The following EIF4E variants were observed in gnomAD, a reference collection of about 807,000 sequenced individuals.
The protein encoded by EIF4E is eukaryotic translation initiation factor 4E.
For synonymous variants in EIF4E, 71 were observed against 88.5 expected (o/e 0.80, Z 1.11); for missense variants, 113 against 265.6 (o/e 0.43, Z 3.99).
At position 98,889,025 on chromosome 4, in the gene EIF4E, G is replaced by A. The variant is rs548136027; in HGVS notation, c.222-1073C>T. ...AATACAAAAATTAGCCGGGCGTGGT[G>A]GCATGCGCCTGTAATCCCAGCTACT... On this transcript the variant is annotated intron_variant, in intron 3 of 6. Transcript: ENST00000450253. 2.0e-3 allele frequency among the ~76,000 whole-genome samples: 300 copies of A among 152,132 alleles called. 1 individual carries two copies. Among genetic ancestry groups the A allele is most frequent in the Non-Finnish European group, 3.3e-3 (222 of 68,004 alleles).
intron 2 of EIF4E, among the ~76,000 whole-genome samples, chr4:98,892,323 AAAAACAAAAAAACAAAC>A (rs1178681635): frequency 1.5e-5 from 2 of 134,286 alleles, no homozygotes; most frequent in Admixed American, 7.3e-5. Context: ...TTCCATCTCA[AAAAACAAAAAAACAAAC>A]AAAAAAAAAA....
intron 2 of EIF4E, chr4:98,895,501 T>G (rs1724342284): frequency 6.6e-6 from 1 of 152,232 alleles, no homozygotes; most frequent in Admixed American, 6.5e-5. Context: ...GAATGTTGTC[T>G]GAAGAGCCTT....
chr4:98,913,916 CATCT>C (rs1204642814), intron 1 of EIF4E, among the ~76,000 whole-genome samples: 2 of 152,084 alleles, frequency 1.3e-5, no homozygotes, highest in Non-Finnish European at 2.9e-5. Flanking sequence ...AGAGACAACA[CATCT>C]ATCAACAGAT....
Position 98,912,114 on chromosome 4 carries a change from T to C in EIF4E, c.19-10132A>G, listed in dbSNP as rs537295845. Among the ~76,000 whole-genome samples the C allele has an allele frequency of 3.2e-4, 49 of 151,502 alleles. No homozygotes were observed. In the South Asian group the frequency reaches 8.2e-3, roughly 25 times the overall value. On this transcript the variant is annotated intron_variant, in intron 1 of 6. Coordinates refer to ENST00000450253, the MANE Select transcript of EIF4E (RefSeq NM_001968.5). ...CCAAAAACACAAAATTAGCTGGGCA[T>C]GGTGGCGCATGCCTGTAATCCCAGT...
In EIF4E at chr4:98,918,424, T is replaced by C. The variant is rs564496786; in HGVS notation, c.18+10671A>G. Among the ~76,000 whole-genome samples the C allele has an allele frequency of 6.6e-5, 10 of 151,680 alleles. No homozygotes were observed. In the East Asian group the frequency reaches 1.9e-3, roughly 29 times the overall value. ...AAAGAAAACGTACATACCTATTTTA[T>C]ACTTTGTTTTTACATATAAACATTT... On this transcript the variant is annotated intron_variant, in intron 1 of 6. Transcript: ENST00000450253.
At position 98,879,846 on chromosome 4, in the gene EIF4E, AAGAT is replaced by A. The variant is rs1400790552; in HGVS notation, c.*1178_*1181del. The A allele has an allele frequency of 1.3e-5, 2 of 152,178 alleles. No homozygotes were observed. Among genetic ancestry groups the A allele is most frequent in the African/African-American group, 2.4e-5 (1 of 41,454 alleles). 9.4% of individuals were successfully genotyped at this position (152,178 alleles called of 1,614,324 possible). A position where few individuals can be genotyped will look rare whatever the true frequency, so the allele number is the denominator to read the frequency against. On this transcript the variant is annotated 3_prime_UTR_variant, in exon 7 of 7. Transcript: ENST00000450253. ...CTGTGCCTTACTTTATAAAAAAACA[AAGAT>A]AGCCACATCAATTTAATTCCATATA...
intron 1 of EIF4E, among the ~76,000 whole-genome samples, chr4:98,910,264 G>A (rs549934145): frequency 8.6e-5 from 13 of 152,034 alleles, no homozygotes; most frequent in African/African-American, 3.1e-4. Flanking sequence ...AACACATGGA[G>A]ATTTAGCAAA....
chr4:98,896,835 G>T (rs1190959621), intron 2 of EIF4E, among the ~76,000 whole-genome samples: 5 of 152,086 alleles, frequency 3.3e-5, no homozygotes, highest in African/African-American at 9.7e-5. Flanking sequence ...AATGGTGGTG[G>T]TGCATGCCTG....
intron 2 of EIF4E, 93 bp downstream of exon 2, chr4:98,901,783 C>T (rs1724659674): frequency 2.6e-6 from 3 of 1,166,434 alleles, no homozygotes; most frequent in Admixed American, 3.4e-5. Context: ...ATATCTAAAA[C>T]TAGTCTCATA....
chr4:98,913,321 A>G (rs974591649), intron 1 of EIF4E, among the ~76,000 whole-genome samples: 3 of 152,068 alleles, frequency 2.0e-5, no homozygotes, highest in African/African-American at 7.2e-5. Context: ...CTTATCCAAC[A>G]AATTTTTTTT....
intron 1 of EIF4E, among the ~76,000 whole-genome samples, chr4:98,924,329 G>A (rs898133931): frequency 4.6e-5 from 7 of 151,900 alleles, no homozygotes; most frequent in African/African-American, 1.2e-4. Context: ...TACCCACCTC[G>A]GCCTCCCAAA....
At chr4:98,906,066 T>C (rs867165636) in intron 1 of EIF4E, among the ~76,000 whole-genome samples, 5 of 152,208 alleles carry the variant, frequency 3.3e-5, no homozygotes, top group African/African-American at 1.2e-4. Flanking sequence ...GTTTTGAACA[T>C]TCAAGATTTC....
chr4:98,892,733 A>G (rs1724208133), intron 2 of EIF4E, among the ~76,000 whole-genome samples: 1 of 152,036 alleles, frequency 6.6e-6, no homozygotes, highest in African/African-American at 2.4e-5. Context: ...GATATTTCTC[A>G]GAGGAACAAA....
intron 1 of EIF4E, among the ~76,000 whole-genome samples, chr4:98,905,065 T>G (rs1037331886): frequency 6.6e-6 from 1 of 152,070 alleles, no homozygotes; most frequent in African/African-American, 2.4e-5. Flanking sequence ...TTGCTTCCTA[T>G]AGACACTAAA....
At chr4:98,910,197 A>C (rs1391201779) in intron 1 of EIF4E, among the ~76,000 whole-genome samples, 1 of 152,208 alleles carries the variant, frequency 6.6e-6, no homozygotes, top group Non-Finnish European at 1.5e-5. Context: ...ATCTGTAATA[A>C]AGGATCAAAA....
chr4:98,925,014 T>G (rs1211045050), intron 1 of EIF4E, among the ~76,000 whole-genome samples: 1 of 152,242 alleles, frequency 6.6e-6, no homozygotes, highest in Non-Finnish European at 1.5e-5. Context: ...AGTCCACTAA[T>G]TTGCATAGTC....
chr4:98,894,621 T>C (rs1249406022), intron 2 of EIF4E, among the ~76,000 whole-genome samples: 1 of 152,242 alleles, frequency 6.6e-6, no homozygotes, highest in Non-Finnish European at 1.5e-5. Context: ...TGCTATGGAT[T>C]AGGCTTTGTC....
chr4:98,896,195 C>CAATAAAATAAAATAA (rs374560295), intron 2 of EIF4E, among the ~76,000 whole-genome samples: 3 of 135,052 alleles, frequency 2.2e-5, no homozygotes, highest in African/African-American at 1.2e-4. Flanking sequence ...GCTCCATCTC[C>CAATAAAATAAAATAA]AATAAAATAA....
At chr4:98,895,942 A>G (rs1560639576) in intron 2 of EIF4E, among the ~76,000 whole-genome samples, 1 of 152,192 alleles carries the variant, frequency 6.6e-6, no homozygotes, top group African/African-American at 2.4e-5. Flanking sequence ...TCACGCCCGT[A>G]ATCCCAGCAC....
Sources: gnomAD v4.1 joint callset for allele counts (sites outside exome capture counted in the v4.1 genomes callset) on GRCh38, gnomAD v4.1.1 for gene constraint, MANE v1.5 for transcripts, NCBI Gene and HGNC (gene_info 2026-07-23, HGNC 2026-07-21) for gene names.